DYNC2LI1: variants seen among roughly 807,000 people sequenced by gnomAD.
The protein encoded by DYNC2LI1 is cytoplasmic dynein 2 light intermediate chain 1.
Under a neutral mutation model 51.9 loss-of-function variants are expected in DYNC2LI1, and 45 were observed. The ratio of observed to expected loss-of-function variants is 0.87; its 90% CI spans 0.68 to 1.11. DYNC2LI1 has a LOEUF of 1.11. DYNC2LI1 is among the 50% of genes most tolerant of loss of function. The probability of loss-of-function intolerance (pLI) is 0.00; values close to 1 mark genes in which losing one functional copy is unlikely to be tolerated. For synonymous variants in DYNC2LI1, 130 were observed against 137.8 expected (o/e 0.94, Z 0.40); for missense variants, 490 against 417.4 (o/e 1.17, Z -1.51).
the DYNC2LI1 span, chr2:43,822,674 T>C: frequency 6.4e-7 from 1 of 1,563,926 alleles, no homozygotes; most frequent in African/African-American, 1.4e-5. Context: ...CACTAGACAC[T>C]GATGGGCAAA....
At chr2:43,806,160 G>A (rs1666248189) in intron 12 of DYNC2LI1, among the ~76,000 whole-genome samples, 1 of 152,156 alleles carries the variant, frequency 6.6e-6, no homozygotes, top group Admixed American at 6.5e-5. Context: ...GGGATTACAG[G>A]CATGAGCCAG....
At chr2:43,814,001 C>G (rs112192937), downstream of DYNC2LI1, among the ~76,000 whole-genome samples, 10 of 152,228 alleles carry the variant, frequency 6.6e-5, no homozygotes, top group African/African-American at 2.4e-4. Context: ...CAGGCGTGAG[C>G]CACTGTGCCC....
At chr2:43,789,578 A>T in intron 4 of DYNC2LI1, 55 bp from the exon 5 acceptor site, 1 of 1,351,962 alleles carries the variant, frequency 7.4e-7, no homozygotes, top group Non-Finnish European at 1.1e-6. Context: ...GGGAAGTGCT[A>T]ATGACATATA....
intron 4 of DYNC2LI1, 39 bp from the exon 5 acceptor site, chr2:43,789,594 T>G: frequency 6.6e-7 from 1 of 1,507,198 alleles, no homozygotes; most frequent in Admixed American, 1.7e-5. Context: ...ATATAAGAAG[T>G]ACTTAAACTT....
intron 6 of DYNC2LI1, among the ~76,000 whole-genome samples, chr2:43,795,452 C>T (rs72794897): frequency 0.092 from 13,888 of 151,704 alleles, 800 homozygotes; most frequent in Admixed American, 0.2. Flanking sequence ...TGCAGTGAGC[C>T]GAGATCGCGC....
chr2:43,826,429 G>C, the DYNC2LI1 span: 1 of 1,614,044 alleles, frequency 6.2e-7, no homozygotes, highest in East Asian at 2.2e-5. Context: ...ACCACAATTC[G>C]GTTCCTGCGA....
intron 4 of DYNC2LI1, 81 bp downstream of exon 4, chr2:43,787,331 C>A: frequency 1.7e-6 from 2 of 1,163,654 alleles, no homozygotes; most frequent in Non-Finnish European, 2.5e-6. Context: ...TTTTCCATCT[C>A]ATCTGTAATC....
In DYNC2LI1 at chr2:43,794,493, A is replaced by T; in HGVS notation, c.357A>T (p.Lys119Asn). 2 of 1,613,814 alleles carry T rather than the reference A, an allele frequency of 1.2e-6. No homozygotes were observed. The highest frequency in any genetic ancestry group is 1.7e-6 in the Non-Finnish European group (2 of 1,179,916). ...FSLVLVLDLS[K>N]PNDLWPTMEN... ...TTGTTCTCGTTCTGGATCTTTCAAA[A>T]CCTAATGATCTCTGGCCCACCATGG... Residue 119 changes from lysine (K) to asparagine (N), a missense_variant, in exon 6 of 13, where the codon AAA becomes AAT. Physicochemically the swap from Lys to Asn is moderately conservative, Grantham distance 94. Coordinates refer to ENST00000260605, the MANE Select transcript of DYNC2LI1 (RefSeq NM_016008.4).
chr2:43,778,477 A>T (rs1344902201), intron 2 of DYNC2LI1, among the ~76,000 whole-genome samples: 1 of 152,204 alleles, frequency 6.6e-6, no homozygotes, highest in African/African-American at 2.4e-5. Context: ...CGAGTTTACT[A>T]TTATGATGCA....
At chr2:43,785,701 A>G (rs1673493400) in intron 3 of DYNC2LI1, among the ~76,000 whole-genome samples, 1 of 140,950 alleles carries the variant, frequency 7.1e-6, no homozygotes, top group Non-Finnish European at 1.5e-5. Flanking sequence ...GCCACTGCAA[A>G]AAAAATAAAT....
chr2:43,785,432 C>CA (rs899418165), intron 3 of DYNC2LI1, among the ~76,000 whole-genome samples: 10 of 151,446 alleles, frequency 6.6e-5, no homozygotes, highest in Admixed American at 3.9e-4. Context: ...GAGCCAGAAA[C>CA]AAAAAAAACA....
chr2:43,822,986 A>C, the DYNC2LI1 span: 1 of 1,606,970 alleles, frequency 6.2e-7, no homozygotes. Flanking sequence ...CCAGCTGAAA[A>C]AGGGAGGGCT....
intron 4 of DYNC2LI1, 117 bp downstream of exon 4, chr2:43,787,367 C>T (rs933100616): frequency 2.3e-5 from 18 of 792,892 alleles, no homozygotes; most frequent in East Asian, 8.4e-5. Context: ...TTGTACACTT[C>T]GTAGCTGTCT....
At chr2:43,814,727 A>T (rs1666706584), downstream of DYNC2LI1, 5 of 593,326 alleles carry the variant, frequency 8.4e-6, no homozygotes, top group Non-Finnish European at 1.5e-5. Flanking sequence ...TGCTCACTAT[A>T]AAAAAACCTT....
At chr2:43,815,164 G>C in the DYNC2LI1 span, among the ~76,000 whole-genome samples, 1 of 152,186 alleles carries the variant, frequency 6.6e-6, no homozygotes, top group African/African-American at 2.4e-5. Flanking sequence ...AAGGAAAAAG[G>C]AAGGAGAGAC....
At chr2:43,814,705 T>C, downstream of DYNC2LI1, 1 of 636,304 alleles carries the variant, frequency 1.6e-6, no homozygotes, top group Non-Finnish European at 2.7e-6. Flanking sequence ...TATCTCCTTA[T>C]TATAAAAATG....
In DYNC2LI1 at chr2:43,792,794, C is replaced by G. The variant is rs1391777628; in HGVS notation, c.321-1663C>G. 5.9e-6 allele frequency: 9 copies of G among 1,529,786 alleles called. No individual in the cohort carries two copies. In the Admixed American group the frequency reaches 1.2e-4, roughly 21 times the overall value. 94.8% of individuals were successfully genotyped at this position (1,529,786 alleles called of 1,614,324 possible). ...TTATTTATTTCATTTAGCATAACGT[C>G]TTCAGGGTTCTTCCGTTTGTAGTAT... On this transcript the variant is annotated intron_variant, in intron 5 of 12. Coordinates refer to ENST00000260605, the MANE Select transcript of DYNC2LI1 (RefSeq NM_016008.4).
At chr2:43,787,758 T>C (rs1300176941) in intron 4 of DYNC2LI1, among the ~76,000 whole-genome samples, 4 of 152,112 alleles carry the variant, frequency 2.6e-5, no homozygotes, top group African/African-American at 7.2e-5. Context: ...TCATAGTATA[T>C]GCTGGCAGGG....
intron 2 of DYNC2LI1, among the ~76,000 whole-genome samples, chr2:43,783,202 C>A (rs4953015): frequency 0.11 from 16,404 of 152,116 alleles, 1,110 homozygotes; most frequent in Admixed American, 0.21. Context: ...CAGTAATTAA[C>A]ATTGATGAGT....
Sources: allele counts gnomAD v4.1 joint callset (sites outside exome capture counted in the v4.1 genomes callset), GRCh38; gene constraint gnomAD v4.1.1; transcripts MANE v1.5; gene names NCBI Gene and HGNC (gene_info 2026-07-23, HGNC 2026-07-21).